CHD8: variants seen among roughly 807,000 people sequenced by gnomAD.
CHD8 encodes chromodomain helicase DNA binding protein 8.
In CHD8, 31 loss-of-function variants were observed where a neutral mutation model predicts 279.2. The ratio of observed to expected loss-of-function variants is 0.11; its 90% CI spans 0.08 to 0.15. The LOEUF is 0.15. Ranked by LOEUF, CHD8 falls within the 10% of genes least tolerant of loss-of-function variation. CHD8 has a pLI of 1.00. For missense variants in CHD8, 2,146 were observed against 3,230.5 expected (o/e 0.66, Z 8.14); for synonymous variants, 1,081 against 1,139.6 (o/e 0.95, Z 1.04).
At chr14:21,435,731 T>C (rs1460947620) in intron 1 of CHD8, among the ~76,000 whole-genome samples, 1 of 152,190 alleles carries the variant, frequency 6.6e-6, no homozygotes, top group Admixed American at 6.5e-5. Flanking sequence ...AATTTTATAT[T>C]TATCAAGTGA....
chr14:21,400,690 GGT>G lies in CHD8; in HGVS notation c.4371-80_4371-79del. 1 of 1,365,206 alleles carries G rather than the reference GGT, an allele frequency of 7.3e-7. No individual in the cohort carries two copies. The highest frequency in any genetic ancestry group is 9.8e-7 in the Non-Finnish European group (1 of 1,016,224). 84.6% of individuals were successfully genotyped at this position (1,365,206 alleles called of 1,614,324 possible). On this transcript the variant is annotated intron_variant, in intron 22 of 37. Coordinates refer to ENST00000646647, the MANE Select transcript of CHD8 (RefSeq NM_001170629.2). This position sits in a 1 kb window ranked among gnomAD's most constrained non-coding sequence, Gnocchi z 4.2. Reference sequence around the variant, plus strand: ...TCCCTCAGAATCATGTCTCTGAAAAGGTGTGAAACAAAGATCTTAAAAAACAT... The same window carrying G: ...TCCCTCAGAATCATGTCTCTGAAAAGGTGAAACAAAGATCTTAAAAAACAT...
At chr14:21,399,335 C>T in intron 26 of CHD8, 1 of 422,854 alleles carries the variant, frequency 2.4e-6, no homozygotes, top group South Asian at 2.5e-5. Flanking sequence ...CCATAGCATA[C>T]AGTGCGGTAA....
At chr14:21,433,704 C>T (rs1191095672) in intron 1 of CHD8, among the ~76,000 whole-genome samples, 4 of 152,142 alleles carry the variant, frequency 2.6e-5, no homozygotes, top group Non-Finnish European at 5.9e-5. Context: ...TAAACAAGAT[C>T]GTCCTTGCTT....
intron 13 of CHD8, 39 bp from the exon 14 acceptor site, chr14:21,407,071 T>C: frequency 6.7e-7 from 1 of 1,493,604 alleles, no homozygotes; most frequent in Non-Finnish European, 9.0e-7. Flanking sequence ...AAACCAAAAA[T>C]GTACCTAAAT....
intron 1 of CHD8, among the ~76,000 whole-genome samples, chr14:21,445,479 G>A (rs755988837): frequency 6.6e-6 from 1 of 151,472 alleles, no homozygotes; most frequent in Non-Finnish European, 1.5e-5. Context: ...TCAGGAGTTC[G>A]TTCAAGACCA....
intron 1 of CHD8, chr14:21,454,990 A>C (rs1004471394): frequency 6.6e-6 from 1 of 152,224 alleles, no homozygotes; most frequent in Non-Finnish European, 1.5e-5. Flanking sequence ...ACTTCAGCAT[A>C]TGCTAACCTA....
intron 10 of CHD8, among the ~76,000 whole-genome samples, chr14:21,411,529 C>T (rs1398546812): frequency 2.6e-5 from 4 of 152,196 alleles, no homozygotes; most frequent in Non-Finnish European, 4.4e-5. Context: ...AGCTCACCCA[C>T]TGAACATTAA....
chr14:21,395,053 C>T lies in CHD8; in HGVS notation c.5249G>A (p.Arg1750Gln), dbSNP rs780097030. The change falls in exon 30 of 38, where the codon CGG (arginine) becomes CAG (glutamine). Residue 1750 changes from arginine (R) to glutamine (Q), a missense_variant. Coordinates refer to ENST00000646647, the MANE Select transcript of CHD8 (RefSeq NM_001170629.2). Reference protein sequence around the residue: ...PPGSALTARLRRLVTAYQRSY... With the variant: ...PPGSALTARLQRLVTAYQRSY... ...GCGCTGATACGCTGTTACTAGACGCCGAAGCCTAGCTGTTAGGGCAGAGCC... is the reference window on the plus strand; with the variant it reads ...GCGCTGATACGCTGTTACTAGACGCTGAAGCCTAGCTGTTAGGGCAGAGCC... 5 of 1,614,034 alleles carry T rather than the reference C, an allele frequency of 3.1e-6. No homozygotes were observed. Among genetic ancestry groups the T allele is most frequent in the Non-Finnish European group, 4.2e-6 (5 of 1,179,900 alleles).
At chr14:21,393,299 A>T (rs1485721895) in intron 32 of CHD8, 45 bp from the exon 33 acceptor site, 1 of 1,610,602 alleles carries the variant, frequency 6.2e-7, no homozygotes, top group African/African-American at 1.3e-5. Context: ...ATGGAAGAAT[A>T]ATGTCATATG....
At chr14:21,431,956 A>G (rs953760788) in intron 1 of CHD8, 98 bp from the exon 2 acceptor site, 7 of 740,092 alleles carry the variant, frequency 9.5e-6, no homozygotes, top group South Asian at 7.6e-5. Context: ...ATCAAATAGC[A>G]TGAATATAAG....
chr14:21,403,776 T>C lies in CHD8; in HGVS notation c.3308-113A>G. 1.1e-6 allele frequency: 1 copy of C among 889,082 alleles called. No individual in the cohort carries two copies. The highest frequency in any genetic ancestry group is 1.7e-6 in the Non-Finnish European group (1 of 574,122). The allele number at this position is 889,082 out of a possible 1,614,324, so 55.1% of individuals were successfully genotyped here. On this transcript the variant is annotated intron_variant, in intron 16 of 37. Coordinates refer to ENST00000646647, the MANE Select transcript of CHD8 (RefSeq NM_001170629.2). The surrounding 1 kb of genome is among the most constrained non-coding windows in gnomAD (Gnocchi z 4.3). Reference sequence around the variant, plus strand: ...AATGTAATTTGACTTAAGACCAACATTTCTCACACACAGAATTTCAGCACA... The same window carrying C: ...AATGTAATTTGACTTAAGACCAACACTTCTCACACACAGAATTTCAGCACA...
intron 1 of CHD8, among the ~76,000 whole-genome samples, chr14:21,440,055 G>A (rs773119215): frequency 2.0e-5 from 3 of 152,202 alleles, no homozygotes; most frequent in Admixed American, 6.5e-5. Flanking sequence ...AAGTAAGAGT[G>A]CATTTGTGTA....
At chr14:21,427,615 G>C (rs1045231089) in intron 4 of CHD8, 78 of 1,456,188 alleles carry the variant, frequency 5.4e-5, no homozygotes, top group Non-Finnish European at 7.0e-5. Flanking sequence ...GCTTGCTCTT[G>C]CCCTTTGTTT....
At chr14:21,396,281 C>A (rs539190448) in intron 27 of CHD8, among the ~76,000 whole-genome samples, 8 of 152,160 alleles carry the variant, frequency 5.3e-5, no homozygotes, top group Admixed American at 3.3e-4. Context: ...CAGGAGTGAG[C>A]CACCATGCCT....
In CHD8 at chr14:21,408,943, T is replaced by C; in HGVS notation, c.2365-118A>G. 1 of 1,042,062 alleles carries C rather than the reference T, an allele frequency of 9.6e-7. No individual in the cohort carries two copies. Among genetic ancestry groups the C allele is most frequent in the South Asian group, 1.7e-5 (1 of 59,100 alleles). 64.6% of individuals were successfully genotyped at this position (1,042,062 alleles called of 1,614,324 possible). A position where few individuals can be genotyped will look rare whatever the true frequency, so the allele number is the denominator to read the frequency against. ...ACAACATTGTTTGGATTAAAACATG[T>C]CAAATATATTTAAATTTATGAGTTC... On this transcript the variant is annotated intron_variant, in intron 11 of 37. Coordinates refer to ENST00000646647, the MANE Select transcript of CHD8 (RefSeq NM_001170629.2). This position sits in a 1 kb window ranked among gnomAD's most constrained non-coding sequence, Gnocchi z 4.3.
rs118140634 is a variant in CHD8, at chr14:21,393,483, C to T, written c.6312G>A (p.Glu2104=). 438 of 1,566,598 alleles carry T rather than the reference C, an allele frequency of 2.8e-4. 3 individuals are homozygous for T. In the East Asian group the frequency reaches 8.1e-3, roughly 29 times the overall value. The part of the protein sequence containing the change: ...STDESEDEKE[E]KLTDQSRSKL... ...CCTGTCACATGCACTCACTTAGCTT[C>T]TCTTCCTTCTCATCCTCACTCTCAT... is the stretch of plus-strand genomic sequence containing the variant. The change falls in exon 32 of 38, where the codon GAG becomes GAA. Residue 2104 remains glutamate (E), a synonymous_variant. Coordinates refer to ENST00000646647, the MANE Select transcript of CHD8 (RefSeq NM_001170629.2).
chr14:21,395,982 C>T lies in CHD8; in HGVS notation c.5052-90G>A, dbSNP rs1887765196. The T allele has an allele frequency of 7.3e-6, 6 of 819,258 alleles. No individual in the cohort carries two copies. In the South Asian group the frequency reaches 8.8e-5, roughly 12 times the overall value. 50.7% of individuals were successfully genotyped at this position (819,258 alleles called of 1,614,324 possible). ...GATGAAGACCTAGCCACACATATAT[C>T]CAGCATGAAATAATCTTTATTAGTA... On this transcript the variant is annotated intron_variant, in intron 27 of 37. Transcript: ENST00000646647.
At position 21,431,686 on chromosome 14, in the gene CHD8, G is replaced by A; in HGVS notation, c.-43C>T. ...GGGTACTTCTCCAAGGTCTAGGGAGGGAAGGGGAGGGGGGGTACTGGCTCT... is the reference window on the plus strand; with the variant it reads ...GGGTACTTCTCCAAGGTCTAGGGAGAGAAGGGGAGGGGGGGTACTGGCTCT... On this transcript the variant is annotated 5_prime_UTR_variant, in exon 2 of 38. Transcript: ENST00000646647. 1 of 1,588,290 alleles carries A rather than the reference G, an allele frequency of 6.3e-7. No individual in the cohort carries two copies. Among genetic ancestry groups the A allele is most frequent in the East Asian group, 2.3e-5 (1 of 44,194 alleles).
intron 1 of CHD8, among the ~76,000 whole-genome samples, chr14:21,445,965 A>G (rs904488898): frequency 6.6e-6 from 1 of 152,064 alleles, no homozygotes. Context: ...GTGCCACTGC[A>G]CTCCAGCCTG....
Sources: allele counts gnomAD v4.1 joint callset (sites outside exome capture counted in the v4.1 genomes callset), GRCh38; gene constraint gnomAD v4.1.1; non-coding constraint Gnocchi (gnomAD v3.1); transcripts MANE v1.5; gene names NCBI Gene and HGNC (gene_info 2026-07-23, HGNC 2026-07-21).